KCNH4: variants seen among roughly 807,000 people sequenced by gnomAD.
KCNH4 encodes voltage-gated delayed rectifier potassium channel KCNH4.
In KCNH4, 33 loss-of-function variants were observed where a neutral mutation model predicts 90.7. The observed-to-expected ratio is 0.36, with a 90% CI of 0.28 to 0.49. KCNH4 has a LOEUF of 0.49. Ranked by LOEUF, KCNH4 falls within the 20% of genes least tolerant of loss-of-function variation. The pLI is 0.98. For synonymous variants in KCNH4, 551 were observed against 581.7 expected (o/e 0.95, Z 0.76); for missense variants, 1,044 against 1,387.1 (o/e 0.75, Z 3.93).
chr17:42,164,004 G>T, intron 12 of KCNH4, 46 bp from the exon 13 acceptor site: 1 of 1,500,184 alleles, frequency 6.7e-7, no homozygotes, highest in Non-Finnish European at 9.0e-7. Flanking sequence ...GTGAACAACA[G>T]ACCCCTTCAT....
Position 42,176,200 on chromosome 17 carries a change from A to G in KCNH4, c.683T>C (p.Ile228Thr). The G allele has an allele frequency of 6.2e-7, 1 of 1,613,684 alleles. No homozygotes were observed. Among genetic ancestry groups the G allele is most frequent in the Non-Finnish European group, 8.5e-7 (1 of 1,179,862 alleles). The change falls in exon 5 of 17, where the codon ATC (isoleucine) becomes ACC (threonine). Residue 228 changes from isoleucine to threonine, a missense_variant. Physicochemically the swap from Ile to Thr is moderately conservative, Grantham distance 89. This residue lies in a region of KCNH4 where 283 missense variants were observed against 378.6 expected (regional missense o/e 0.75). Coordinates refer to ENST00000264661, the MANE Select transcript of KCNH4 (RefSeq NM_012285.3). ...GGCAAGGAGGATAAGGCCGTCCCAGATGGCCTTGGAGACGCTGTAGTGGAG... is the reference window on the plus strand; with the variant it reads ...GGCAAGGAGGATAAGGCCGTCCCAGGTGGCCTTGGAGACGCTGTAGTGGAG... Reference protein sequence around the residue: ...LLLHYSVSKAIWDGLILLATF... With the variant: ...LLLHYSVSKATWDGLILLATF...
At position 42,170,363 on chromosome 17, in the gene KCNH4, T is replaced by C. The variant is rs571805303; in HGVS notation, c.1196-62A>G. On this transcript the variant is annotated intron_variant, in intron 7 of 16. Transcript: ENST00000264661. ...CCAGCGGTGGAGAACCAGGGTTCCCTGAGCCACCTACGCTTGACCTTCGGC... is the reference window on the plus strand; with the variant it reads ...CCAGCGGTGGAGAACCAGGGTTCCCCGAGCCACCTACGCTTGACCTTCGGC... 1.0e-3 allele frequency: 1,429 copies of C among 1,435,970 alleles called. 32 individuals carry two copies. In the South Asian group the frequency reaches 0.017, roughly 17 times the overall value. The allele number at this position is 1,435,970 out of a possible 1,614,324, so 89.0% of individuals were successfully genotyped here.
At chr17:42,172,409 T>A (rs1409972468) in intron 6 of KCNH4, among the ~76,000 whole-genome samples, 1 of 151,846 alleles carries the variant, frequency 6.6e-6, no homozygotes, top group Non-Finnish European at 1.5e-5. Context: ...CCTGACCCCG[T>A]GATCCACCTG....
At chr17:42,168,892 C>T (rs1459525790) in intron 9 of KCNH4, among the ~76,000 whole-genome samples, 1 of 151,444 alleles carries the variant, frequency 6.6e-6, no homozygotes, top group Non-Finnish European at 1.5e-5. Flanking sequence ...CTGCATCAGC[C>T]TCCTGAGTAG....
At chr17:42,170,395 T>G in intron 7 of KCNH4, 94 bp from the exon 8 acceptor site, 1 of 1,071,652 alleles carries the variant, frequency 9.3e-7, no homozygotes, top group Non-Finnish European at 1.3e-6. Flanking sequence ...CGGCAAGTAT[T>G]TATACACAGG....
intron 9 of KCNH4, among the ~76,000 whole-genome samples, chr17:42,167,413 C>T (rs1461574385): frequency 5.9e-5 from 9 of 152,140 alleles, no homozygotes; most frequent in African/African-American, 1.2e-4. Context: ...ATTACAAGCA[C>T]GCACCACTAC....
Position 42,176,305 on chromosome 17 carries a change from G to A in KCNH4, c.586-8C>T. On this transcript the variant is annotated splice_region_variant and splice_polypyrimidine_tract_variant and intron_variant, in intron 4 of 16. Transcript: ENST00000264661. ...CTTTGGCTCAAACACGTTCTAAGGGGAGAGGGGTGGCGGTTGGGGACACTT... is the reference window on the plus strand; with the variant it reads ...CTTTGGCTCAAACACGTTCTAAGGGAAGAGGGGTGGCGGTTGGGGACACTT... 6.2e-7 allele frequency: 1 copy of A among 1,604,162 alleles called. No homozygotes were observed. Among genetic ancestry groups the A allele is most frequent in the African/African-American group, 1.3e-5 (1 of 74,636 alleles).
intron 6 of KCNH4, among the ~76,000 whole-genome samples, chr17:42,173,788 C>T (rs980397609): frequency 8.0e-5 from 11 of 137,316 alleles, no homozygotes; most frequent in African/African-American, 2.9e-4. Context: ...GAAAGCTCTG[C>T]CTCCCGGGTT....
At chr17:42,176,417 A>G (rs537170069) in intron 4 of KCNH4, 120 bp from the exon 5 acceptor site, 27 of 910,514 alleles carry the variant, frequency 3.0e-5, no homozygotes, top group Admixed American at 6.2e-5. Context: ...ACTTTTGACC[A>G]TGAATGAAAG....
rs755704407 is a variant in KCNH4 at position 42,180,991 on chromosome 17, C to T, written c.-46G>A. The T allele has an allele frequency of 2.5e-6, 4 of 1,575,648 alleles. No individual in the cohort carries two copies. The highest frequency in any genetic ancestry group is 3.5e-6 in the Non-Finnish European group (4 of 1,154,318). ...AGGCGCGGCGCTGGGGAGCTTTCAGCGCGGCCGGGCCGGAGGGGGCGCGCT... is the reference window on the plus strand; with the variant it reads ...AGGCGCGGCGCTGGGGAGCTTTCAGTGCGGCCGGGCCGGAGGGGGCGCGCT... On this transcript the variant is annotated 5_prime_UTR_variant, in exon 1 of 17. Coordinates refer to ENST00000264661, the MANE Select transcript of KCNH4 (RefSeq NM_012285.3). The surrounding 1 kb of genome is among the most constrained non-coding windows in gnomAD (Gnocchi z 4.7).
chr17:42,169,987 G>T lies in KCNH4; in HGVS notation c.1390+120C>A, dbSNP rs1021643414. The T allele has an allele frequency of 4.7e-6, 5 of 1,056,108 alleles. No individual in the cohort carries two copies. In the African/African-American group the frequency reaches 6.4e-5, roughly 13 times the overall value. 65.4% of individuals were successfully genotyped at this position (1,056,108 alleles called of 1,614,324 possible). ...TCAGGAAACGTCCGTGAATGAATGC[G>T]TGACTGTCTGGACTTGGGTAGACAC... On this transcript the variant is annotated intron_variant, in intron 8 of 16. Transcript: ENST00000264661.
In KCNH4 at chr17:42,165,657, G is replaced by A. The variant is rs1057461290; in HGVS notation, c.1877C>T (p.Pro626Leu). The change falls in exon 11 of 17, where the codon CCG (proline) becomes CTG (leucine). Residue 626 changes from proline (P) to leucine (L), a missense_variant. Around this residue, in one of 4 missense-constraint regions of KCNH4, gnomAD observed 441 missense variants for 512.3 expected, o/e 0.86. Transcript: ENST00000264661. ...TGCTCCCAACCCAGGCTCCTGCCCC[G>A]GCTCAGGGATATCTGCTCCAATCAG... Reference protein sequence around the residue: ...GDLIGADIPEPGQEPGLGADP... With the variant: ...GDLIGADIPELGQEPGLGADP... 2.0e-5 allele frequency: 33 copies of A among 1,614,060 alleles called. No homozygotes were observed. The highest frequency in any genetic ancestry group is 8.8e-5 in the South Asian group (8 of 91,084).
intron 15 of KCNH4, among the ~76,000 whole-genome samples, chr17:42,161,366 C>CAGGCACCGCCCCTCTGGGG (rs1296972471): frequency 1.3e-5 from 2 of 152,232 alleles, no homozygotes; most frequent in Non-Finnish European, 2.9e-5. Context: ...TGAAACAGCC[C>CAGGCACCGCCCCTCTGGGG]AGGCACCGCC....
At chr17:42,166,657 G>T in intron 9 of KCNH4, 111 bp from the exon 10 acceptor site, 2 of 1,381,734 alleles carry the variant, frequency 1.4e-6, no homozygotes, top group South Asian at 1.4e-5. Flanking sequence ...TTGCTTTGAA[G>T]TCACCCATTC....
chr17:42,163,929 TGAG>T lies in KCNH4; in HGVS notation c.2151_2153del (p.Ser718del). The T allele has an allele frequency of 6.5e-7, 1 of 1,545,714 alleles. No homozygotes were observed. The highest frequency in any genetic ancestry group is 8.7e-7 in the Non-Finnish European group (1 of 1,145,868). ...CTGTGATGGATGGCAGCGTCTTGTC[TGAG>T]GAGGAGCCGAGGCTTTCTGAGCGGG... On this transcript the variant is annotated inframe_deletion, in exon 13 of 17. Coordinates refer to ENST00000264661, the MANE Select transcript of KCNH4 (RefSeq NM_012285.3). The surrounding 1 kb of genome is among the most constrained non-coding windows in gnomAD (Gnocchi z 5.4).
chr17:42,169,789 A>G (rs2144130849), intron 8 of KCNH4, 113 bp from the exon 9 acceptor site: 1 of 1,088,764 alleles, frequency 9.2e-7, no homozygotes, highest in Non-Finnish European at 1.4e-6. Context: ...TGTGCCTACC[A>G]GGTGCCAGGC....
chr17:42,178,458 G>T lies in KCNH4; in HGVS notation c.330C>A (p.Leu110=), dbSNP rs770261382. 1 of 1,614,236 alleles carries T rather than the reference G, an allele frequency of 6.2e-7. No individual in the cohort carries two copies. Among genetic ancestry groups the T allele is most frequent in the South Asian group, 1.1e-5 (1 of 91,084 alleles). ...CATTCTTGATGGGCATCATGTCCAG[G>T]AGGCACCAAAAGGCTGAGCCTGTAG... is the stretch of plus-strand genomic sequence containing the variant. ...YRKDGSAFWC[L]LDMMPIKNEM... is the part of the protein sequence containing the mutation. Residue 110 remains leucine (L), a synonymous_variant, in exon 3 of 17, where the codon CTC becomes CTA. Coordinates refer to ENST00000264661, the MANE Select transcript of KCNH4 (RefSeq NM_012285.3).
chr17:42,159,394 A>G (rs2079729828), intron 16 of KCNH4, among the ~76,000 whole-genome samples: 1 of 152,068 alleles, frequency 6.6e-6, no homozygotes, highest in African/African-American at 2.4e-5. Context: ...CGAAGAGTAC[A>G]TATCTGGAGC....
rs1412877346 is a variant in KCNH4, at chr17:42,163,813, G to T, written c.2270C>A (p.Ser757Tyr). ...CTCCTCGCCCAAAAGGCTGACCAGG[G>T]AGCCCCGAGGCCGTGCTGGGCTGAG... ...PNLSPARPRG[S>Y]LVSLLGEELP... Residue 757 changes from serine (S) to tyrosine (Y), a missense_variant, in exon 13 of 17, where the codon TCC becomes TAC. Ser to Tyr is a moderately radical substitution (Grantham distance 144). Transcript: ENST00000264661. The surrounding 1 kb of genome is among the most constrained non-coding windows in gnomAD (Gnocchi z 5.4). The T allele has an allele frequency of 6.5e-7, 1 of 1,527,188 alleles. No homozygotes were observed. The allele number at this position is 1,527,188 out of a possible 1,614,324, so 94.6% of individuals were successfully genotyped here. A position where few individuals can be genotyped will look rare whatever the true frequency, so the allele number is the denominator to read the frequency against.
Sources: allele counts gnomAD v4.1 joint callset (sites outside exome capture counted in the v4.1 genomes callset), GRCh38; gene constraint gnomAD v4.1.1; regional missense constraint gnomAD v4.1.1; non-coding constraint Gnocchi (gnomAD v3.1); transcripts MANE v1.5; gene names NCBI Gene and HGNC (gene_info 2026-07-23, HGNC 2026-07-21).